CYFIP1: variants seen among roughly 807,000 people sequenced by gnomAD.
CYFIP1 encodes the protein cytoplasmic FMR1 interacting protein 1, also known as cytoplasmic FMR1-interacting protein 1.
A neutral mutation model predicts 163.5 loss-of-function variants in CYFIP1; 58 were observed. The ratio of observed to expected loss-of-function variants is 0.35; its 90% CI spans 0.29 to 0.44. The LOEUF (loss-of-function observed/expected upper bound fraction) is 0.44, where lower values mean the gene tolerates loss of function less well. Ranked by LOEUF, CYFIP1 falls within the 20% of genes least tolerant of loss-of-function variation. The pLI, the probability that CYFIP1 is intolerant of heterozygous loss-of-function variation, is 1.00. For synonymous variants in CYFIP1, 663 were observed against 660.7 expected (o/e 1.00, Z -0.05); for missense variants, 1,338 against 1,653.8 (o/e 0.81, Z 3.31).
chr15:22,942,464 C>T (rs1438878345), intron 6 of CYFIP1, among the ~76,000 whole-genome samples: 2 of 151,974 alleles, frequency 1.3e-5, no homozygotes, highest in Non-Finnish European at 2.9e-5. Context: ...CGGTCGGCAG[C>T]GTGCCAAGTG....
rs376421502 is a variant in CYFIP1, at chr15:22,977,476, A to G, written c.-7+2811T>C. 6.0e-4 allele frequency among the ~76,000 whole-genome samples: 92 copies of G among 152,326 alleles called. 1 individual carries two copies. In the Middle Eastern group the frequency reaches 0.027, roughly 45 times the overall value. ...TATCAATGGCCTCTAAGGGTTGGCT[A>G]AATTTTAATAGGAAAAACAATGAGA... On this transcript the variant is annotated intron_variant, in intron 1 of 30. Transcript: ENST00000617928.
chr15:22,964,252 A>G (rs1309144250), intron 1 of CYFIP1, among the ~76,000 whole-genome samples: 1 of 144,966 alleles, frequency 6.9e-6, no homozygotes, highest in Non-Finnish European at 1.5e-5. Context: ...ACCCCCATGC[A>G]GAGTGAGTCC....
At chr15:22,927,162 C>G (rs896679686) in intron 12 of CYFIP1, among the ~76,000 whole-genome samples, 1 of 151,964 alleles carries the variant, frequency 6.6e-6, no homozygotes, top group Non-Finnish European at 1.5e-5. Context: ...CACGGCGAGA[C>G]TGTCTGTACA....
chr15:22,870,580 T>C (rs367903962), intron 30 of CYFIP1, among the ~76,000 whole-genome samples: 5 of 152,294 alleles, frequency 3.3e-5, no homozygotes, highest in African/African-American at 1.2e-4. Context: ...TCCCAAACTG[T>C]TGGGATTACA....
intron 1 of CYFIP1, among the ~76,000 whole-genome samples, chr15:22,952,025 A>G (rs1305924713): frequency 6.6e-6 from 1 of 152,218 alleles, no homozygotes; most frequent in East Asian, 1.9e-4. Context: ...TAAAAATAAC[A>G]GTATTTATGT....
rs1194705216 is a variant in CYFIP1 at position 22,868,035 on chromosome 15, C to T, written c.*1993G>A. The T allele has an allele frequency of 6.6e-6, 1 of 152,254 alleles. No individual in the cohort carries two copies. The highest frequency in any genetic ancestry group is 2.4e-5 in the African/African-American group (1 of 41,458). 9.4% of individuals were successfully genotyped at this position (152,254 alleles called of 1,614,324 possible). A position where few individuals can be genotyped will look rare whatever the true frequency, so the allele number is the denominator to read the frequency against. ...ATGGGAAGAAAGTGTTCGCCTGTTC[C>T]AGCCTGTGGCTCCTGCCTGGAGGTT... On this transcript the variant is annotated 3_prime_UTR_variant, in exon 31 of 31. Coordinates refer to ENST00000617928, the MANE Select transcript of CYFIP1 (RefSeq NM_014608.6).
chr15:22,923,628 A>G (rs1175371251), intron 13 of CYFIP1, among the ~76,000 whole-genome samples: 2 of 152,140 alleles, frequency 1.3e-5, no homozygotes, highest in Non-Finnish European at 2.9e-5. Flanking sequence ...GAAAACCAGC[A>G]TCTACACAAA....
intron 10 of CYFIP1, 101 bp downstream of exon 10, chr15:22,933,701 G>A: frequency 1.0e-5 from 8 of 802,620 alleles, no homozygotes; most frequent in Non-Finnish European, 1.4e-5. Flanking sequence ...GGCTGAGAAT[G>A]TTAACAGTGT....
rs376633086 is a variant in CYFIP1, at chr15:22,937,159, T to C, written c.845A>G (p.Tyr282Cys). The C allele has an allele frequency of 7.1e-5, 115 of 1,613,690 alleles. No homozygotes were observed. Among genetic ancestry groups the C allele is most frequent in the Non-Finnish European group, 8.8e-5 (104 of 1,179,684 alleles). ...TATTCTTTTCTTGGCATCCAACTTA[T>C]AGATGTTACTGACACTCCCATCCAT... is the stretch of plus-strand genomic sequence containing the variant. The part of the protein sequence containing the change: ...YLMDGSVSNI[Y>C]KLDAKKRINL... The change falls in exon 9 of 31, where the codon TAT becomes TGT. Residue 282 changes from tyrosine (Y) to cysteine (C), a missense_variant. Physicochemically the swap from Tyr to Cys is radical, Grantham distance 194. This residue lies in a region of CYFIP1 where 824 missense variants were observed against 995.7 expected (regional missense o/e 0.83). Transcript: ENST00000617928.
chr15:22,925,363 TAGAGC>T (rs1468460147), intron 13 of CYFIP1, among the ~76,000 whole-genome samples: 1 of 152,116 alleles, frequency 6.6e-6, no homozygotes, highest in Admixed American at 6.5e-5. Flanking sequence ...GACACTGGGT[TAGAGC>T]AGAGCAGAAA....
intron 22 of CYFIP1, among the ~76,000 whole-genome samples, chr15:22,898,196 C>T (rs534863653): frequency 2.4e-4 from 36 of 152,280 alleles, no homozygotes; most frequent in Non-Finnish European, 3.8e-4. Context: ...CAGTTTTTCA[C>T]TTAAGGAGTA....
In CYFIP1 at chr15:22,960,694, G is replaced by A. The variant is rs188731357; in HGVS notation, c.-6-13403C>T. Among the ~76,000 whole-genome samples the A allele has an allele frequency of 7.9e-5, 12 of 152,340 alleles. No individual in the cohort carries two copies. The East Asian group carries it at 2.3e-3, about 29-fold the overall frequency. ...AAGGAAACACCACTGGCCCATGCAT[G>A]AACCGCAGCCTGCTTCAGGGCGGCC... On this transcript the variant is annotated intron_variant, in intron 1 of 30. Transcript: ENST00000617928.
intron 25 of CYFIP1, 30 bp downstream of exon 25, chr15:22,881,816 G>A: frequency 2.5e-6 from 4 of 1,596,016 alleles, no homozygotes; most frequent in Non-Finnish European, 3.4e-6. Flanking sequence ...TCCACAGACA[G>A]CACTGTGAGC....
chr15:22,936,529 G>T (rs1431287030), intron 9 of CYFIP1, among the ~76,000 whole-genome samples: 1 of 152,156 alleles, frequency 6.6e-6, no homozygotes, highest in Non-Finnish European at 1.5e-5. Context: ...CACCAGCGGC[G>T]CATTCTCTCA....
At chr15:22,911,337 T>C (rs900184656) in intron 18 of CYFIP1, among the ~76,000 whole-genome samples, 1 of 152,110 alleles carries the variant, frequency 6.6e-6, no homozygotes, top group African/African-American at 2.4e-5. Flanking sequence ...TTCTCTGAAA[T>C]GCAAGAGAGA....
intron 26 of CYFIP1, among the ~76,000 whole-genome samples, chr15:22,877,454 G>A (rs1262410439): frequency 5.9e-5 from 9 of 152,252 alleles, no homozygotes; most frequent in South Asian, 2.1e-4. Context: ...GAGATAGGGC[G>A]CGCCTTATGC....
chr15:22,952,658 T>TAAAAAAAAAAAAAA (rs2062294109), intron 1 of CYFIP1, among the ~76,000 whole-genome samples: 1 of 1,850 alleles, frequency 5.4e-4, no homozygotes, highest in Non-Finnish European at 9.0e-4. Context: ...AGACTCCATC[T>TAAAAAAAAAAAAAA]CAAAAAAAAA....
intron 28 of CYFIP1, among the ~76,000 whole-genome samples, 177 bp downstream of exon 28, chr15:22,874,373 C>A (rs2059523892): frequency 6.6e-6 from 1 of 152,216 alleles, no homozygotes; most frequent in South Asian, 2.1e-4. Context: ...TCATCTGAAT[C>A]CTCCCACCAC....
chr15:22,879,813 AC>A, intron 26 of CYFIP1, 99 bp downstream of exon 26: 3 of 782,624 alleles, frequency 3.8e-6, no homozygotes, highest in Non-Finnish European at 3.8e-6. Context: ...CTGTTGCCAC[AC>A]CCCCACTAAA....
Sources: allele counts gnomAD v4.1 joint callset (sites outside exome capture counted in the v4.1 genomes callset), GRCh38; gene constraint gnomAD v4.1.1; regional missense constraint gnomAD v4.1.1; transcripts MANE v1.5; gene names NCBI Gene and HGNC (gene_info 2026-07-23, HGNC 2026-07-21).